Variants in F5 observed in about 807,000 individuals in gnomAD.
F5 encodes the protein activated protein c cofactor.
A neutral mutation model predicts 216.4 loss-of-function variants in F5; 138 were observed. That is an observed-to-expected ratio of 0.64 (90% CI 0.56 to 0.73). The LOEUF is 0.73. Among genes scored for constraint, F5 ranks in the 30% least tolerant of loss-of-function variants. The pLI, the probability that F5 is intolerant of heterozygous loss-of-function variation, is 0.00. For missense variants in F5, 2,403 were observed against 2,674.0 expected (o/e 0.90, Z 2.24); for synonymous variants, 916 against 930.7 (o/e 0.98, Z 0.29).
At position 169,528,062 on chromosome 1, in the gene F5, G is replaced by T; in HGVS notation, c.5452C>A (p.Leu1818Met). ...INGMIYSLPG[L>M]KMYEQEWVRL... Reference sequence around the variant, plus strand: ...ACCCACTCTTGCTCATACATTTTCAGGCCAGGCAAGCTGTAGATCATCCCA... The same window carrying T: ...ACCCACTCTTGCTCATACATTTTCATGCCAGGCAAGCTGTAGATCATCCCA... Residue 1818 changes from leucine (L) to methionine (M), a missense_variant, in exon 17 of 25, where the codon CTG becomes ATG. Coordinates refer to ENST00000367797, the MANE Select transcript of F5 (RefSeq NM_000130.5). The T allele has an allele frequency of 1.2e-6, 2 of 1,613,898 alleles. No homozygotes were observed. The highest frequency in any genetic ancestry group is 1.7e-6 in the Non-Finnish European group (2 of 1,179,838).
intron 12 of F5, 101 bp downstream of exon 12, chr1:169,544,195 A>G (rs1408463775): frequency 1.1e-6 from 1 of 919,362 alleles, no homozygotes; most frequent in East Asian, 2.5e-5. Flanking sequence ...GGTCAGGGAG[A>G]TACATAGAGG....
intron 20 of F5, 72 bp from the exon 21 acceptor site, chr1:169,523,424 C>T (rs1659357350): frequency 1.9e-6 from 3 of 1,562,934 alleles, no homozygotes; most frequent in African/African-American, 2.7e-5. Context: ...ATTCATTATA[C>T]AATCAGCTTT....
rs1481388212 is a variant in F5 at position 169,556,838 on chromosome 1, T to C, written c.760A>G (p.Ser254Gly). Reference protein sequence around the residue: ...DITVCAHDHISWHLLGMSSGP... With the variant: ...DITVCAHDHIGWHLLGMSSGP... ...GAGCTCATTCCCAGCAGATGCCAGC[T>C]GATGTGGTCATGGGCACAAACTGTT... is the stretch of plus-strand genomic sequence containing the variant. Residue 254 changes from serine to glycine, a missense_variant, in exon 6 of 25, where the codon AGC becomes GGC. Physicochemically the swap from Ser to Gly is moderately conservative, Grantham distance 56 (BLOSUM62 0). Around this residue, in one of 4 missense-constraint regions of F5, gnomAD observed 1,425 missense variants for 1,554.8 expected, o/e 0.92. Transcript: ENST00000367797. The C allele has an allele frequency of 1.9e-6, 3 of 1,613,916 alleles. No individual in the cohort carries two copies. The highest frequency in any genetic ancestry group is 2.5e-6 in the Non-Finnish European group (3 of 1,179,990).
intron 3 of F5, among the ~76,000 whole-genome samples, chr1:169,567,014 T>C (rs151246804): frequency 1.3e-5 from 2 of 151,882 alleles, no homozygotes; most frequent in African/African-American, 4.8e-5. Flanking sequence ...CTGGATTGAG[T>C]GGCTTATAAA....
At chr1:169,530,753 G>T in intron 15 of F5, 33 bp downstream of exon 15, 1 of 1,573,252 alleles carries the variant, frequency 6.4e-7, no homozygotes, top group Non-Finnish European at 8.7e-7. Flanking sequence ...CGAGGTTAGG[G>T]GAATGAGAAA....
chr1:169,537,772 C>T (rs59467538), intron 13 of F5, among the ~76,000 whole-genome samples: 13,569 of 152,086 alleles, frequency 0.089, 731 homozygotes, highest in African/African-American at 0.13. Context: ...TTTAAAATCA[C>T]AATGAGGGCT....
At chr1:169,567,548 T>C (rs1660633877) in intron 3 of F5, among the ~76,000 whole-genome samples, 1 of 151,834 alleles carries the variant, frequency 6.6e-6, no homozygotes, top group Non-Finnish European at 1.5e-5. Flanking sequence ...AGTACTTTTT[T>C]TTTTTTTTTT....
At chr1:169,567,313 G>A (rs1192897830) in intron 3 of F5, among the ~76,000 whole-genome samples, 2 of 151,938 alleles carry the variant, frequency 1.3e-5, no homozygotes, top group African/African-American at 4.8e-5. Context: ...CAGCGCACCA[G>A]CATGGCACAT....
rs775761320 is a variant in F5, at chr1:169,526,052, A to G, written c.5600-35T>C. On this transcript the variant is annotated intron_variant, in intron 17 of 24. Coordinates refer to ENST00000367797, the MANE Select transcript of F5 (RefSeq NM_000130.5). The stretch of plus-strand genomic sequence containing the variant: ...AAAGAACAACATTACATTTGCAAAA[A>G]TTAACAAGTAAATATTGTGGTTGAT... 8.6e-6 allele frequency: 12 copies of G among 1,402,054 alleles called. No individual in the cohort carries two copies. In the South Asian group the frequency reaches 1.2e-4, roughly 13 times the overall value. The allele number at this position is 1,402,054 out of a possible 1,614,324, so 86.9% of individuals were successfully genotyped here.
intron 15 of F5, 136 bp downstream of exon 15, chr1:169,530,650 G>T: frequency 2.5e-6 from 2 of 800,306 alleles, no homozygotes; most frequent in Non-Finnish European, 4.4e-6. Flanking sequence ...AATGCAGACT[G>T]TTAACCACAC....
intron 10 of F5, among the ~76,000 whole-genome samples, chr1:169,547,552 A>G (rs926983264): frequency 2.0e-5 from 3 of 152,266 alleles, no homozygotes; most frequent in Non-Finnish European, 4.4e-5. Context: ...ACTTTTCAAA[A>G]GAAGACACAC....
intron 13 of F5, among the ~76,000 whole-genome samples, chr1:169,538,782 G>A (rs1392141822): frequency 6.6e-6 from 1 of 152,170 alleles, no homozygotes; most frequent in Non-Finnish European, 1.5e-5. Flanking sequence ...CAGGGAATAA[G>A]GAAGGGCTAT....
intron 15 of F5, 50 bp downstream of exon 15, chr1:169,530,736 C>G (rs772357200): frequency 2.4e-5 from 36 of 1,506,758 alleles, no homozygotes; most frequent in Non-Finnish European, 3.2e-5. Context: ...TGGTGGACTT[C>G]AGATTACGAG....
intron 20 of F5, 30 bp from the exon 21 acceptor site, chr1:169,523,382 C>G: frequency 4.3e-6 from 7 of 1,613,426 alleles, no homozygotes; most frequent in Non-Finnish European, 5.9e-6. Context: ...GTAAACAGAA[C>G]TGTCCTTGTC....
chr1:169,547,758 C>T (rs1020424940), intron 10 of F5, among the ~76,000 whole-genome samples: 25 of 151,970 alleles, frequency 1.6e-4, no homozygotes, highest in African/African-American at 6.0e-4. Context: ...TAAATTAGTT[C>T]AACCATTGTG....
At chr1:169,526,376 C>A (rs1365025915) in intron 17 of F5, among the ~76,000 whole-genome samples, 1 of 152,036 alleles carries the variant, frequency 6.6e-6, no homozygotes, top group African/African-American at 2.4e-5. Flanking sequence ...GTTTCCTTTC[C>A]CTCTTTTCAT....
At chr1:169,561,669 C>T (rs994482803) in intron 3 of F5, among the ~76,000 whole-genome samples, 6 of 152,090 alleles carry the variant, frequency 3.9e-5, no homozygotes, top group African/African-American at 1.4e-4. Context: ...GATTCCCTAT[C>T]ATCAGCTGGT....
In F5 at chr1:169,513,178, A is replaced by T. The variant is rs1202144166; in HGVS notation, c.*1135T>A. On this transcript the variant is annotated 3_prime_UTR_variant, in exon 25 of 25. Transcript: ENST00000367797. The stretch of plus-strand genomic sequence containing the variant: ...ATTTTATATATTTATGGTATACATA[A>T]CATTTTGATATATGTACACGTTACA... Among the ~76,000 whole-genome samples, 2 of 152,034 alleles carry T rather than the reference A, an allele frequency of 1.3e-5. No homozygotes were observed. Among genetic ancestry groups the T allele is most frequent in the African/African-American group, 4.8e-5 (2 of 41,410 alleles).
intron 7 of F5, 123 bp downstream of exon 7, chr1:169,555,059 T>C: frequency 9.1e-7 from 1 of 1,095,794 alleles, no homozygotes; most frequent in South Asian, 1.3e-5. Flanking sequence ...CAAAAAGACT[T>C]GAATAGAAAC....
Sources: allele counts gnomAD v4.1 joint callset (sites outside exome capture counted in the v4.1 genomes callset), GRCh38; gene constraint gnomAD v4.1.1; regional missense constraint gnomAD v4.1.1; transcripts MANE v1.5; gene names NCBI Gene and HGNC (gene_info 2026-07-23, HGNC 2026-07-21).